DRC4: variants seen among roughly 807,000 people sequenced by gnomAD.
The protein encoded by DRC4 is dynein regulatory complex subunit 4.
the DRC4 span, chr16:90,042,236 T>C: frequency 1.7e-6 from 1 of 580,214 alleles, no homozygotes; most frequent in African/African-American, 1.8e-5. Context: ...GTGCCTGGCC[T>C]GGACTGTTGC....
At chr16:90,041,785 C>T in the DRC4 span, among the ~76,000 whole-genome samples, 38 of 151,938 alleles carry the variant, frequency 2.5e-4, no homozygotes, top group Non-Finnish European at 4.1e-4. Context: ...GGCAACGGGG[C>T]GAGACTCCAT....
At chr16:90,035,302 G>A in the DRC4 span, among the ~76,000 whole-genome samples, 1 of 152,332 alleles carries the variant, frequency 6.6e-6, no homozygotes, top group Non-Finnish European at 1.5e-5. Context: ...AGCGTGCTGG[G>A]ATGACAGGAA....
chr16:90,027,705 G>A, the DRC4 span: 1 of 1,614,050 alleles, frequency 6.2e-7, no homozygotes, highest in South Asian at 1.1e-5. Flanking sequence ...CGCTCCAGAG[G>A]ACATGAGCAA....
chr16:90,021,609 G>A, the DRC4 span, among the ~76,000 whole-genome samples: 15 of 151,956 alleles, frequency 9.9e-5, no homozygotes, highest in Non-Finnish European at 2.2e-4. Flanking sequence ...TGGGGCTCAC[G>A]TGCTCCCAGC....
chr16:90,029,149 C>CCTACGGGGCAGG, the DRC4 span: 2 of 1,346,200 alleles, frequency 1.5e-6, no homozygotes, highest in Non-Finnish European at 2.0e-6. Flanking sequence ...TACGGGGCAG[C>CCTACGGGGCAGG]CTACGGGGCA....
the DRC4 span, among the ~76,000 whole-genome samples, chr16:90,025,156 A>G: frequency 6.6e-6 from 1 of 150,784 alleles, no homozygotes; most frequent in Non-Finnish European, 1.5e-5. Context: ...ACCTGGGACT[A>G]CAGGTGCCCG....
the DRC4 span, chr16:90,043,905 G>A: frequency 4.4e-6 from 2 of 451,686 alleles, no homozygotes; most frequent in Non-Finnish European, 9.3e-6. Context: ...CCCGCTGCCA[G>A]TCTTCGCTCT....
At chr16:90,035,594 T>C in the DRC4 span, 5 of 1,613,864 alleles carry the variant, frequency 3.1e-6, no homozygotes, top group African/African-American at 2.7e-5. Flanking sequence ...CTTCCCTCTG[T>C]GTCCGGCTGT....
the DRC4 span, chr16:90,019,987 T>G: frequency 1.4e-6 from 1 of 698,974 alleles, no homozygotes; most frequent in Non-Finnish European, 2.6e-6. This position sits in a 1 kb window ranked among gnomAD's most constrained non-coding sequence, Gnocchi z 6.1. Flanking sequence ...GGGCCCGGGC[T>G]GCAGAGAGCG....
chr16:90,031,080 A>T, the DRC4 span: 1 of 1,051,760 alleles, frequency 9.5e-7, no homozygotes, highest in Non-Finnish European at 1.3e-6. Context: ...TAGTTATTTT[A>T]TGATTATTGG....
the DRC4 span, chr16:90,037,756 C>T: frequency 1.9e-6 from 3 of 1,613,496 alleles, no homozygotes; most frequent in Non-Finnish European, 2.5e-6. Flanking sequence ...CCTGTTTTTC[C>T]TCCAGTGCAC....
At chr16:90,040,519 A>G in the DRC4 span, 15 of 1,588,564 alleles carry the variant, frequency 9.4e-6, no homozygotes, top group African/African-American at 1.5e-4. Flanking sequence ...GGTAGGCCCT[A>G]GACAGGCTCC....
the DRC4 span, among the ~76,000 whole-genome samples, chr16:90,030,451 C>A: frequency 1.1e-3 from 170 of 152,172 alleles, no homozygotes; most frequent in Non-Finnish European, 1.9e-3. Flanking sequence ...AACGATCCTC[C>A]TACCTCAGTC....
At chr16:90,031,796 G>C in the DRC4 span, among the ~76,000 whole-genome samples, 3 of 152,268 alleles carry the variant, frequency 2.0e-5, no homozygotes, top group East Asian at 5.8e-4. Flanking sequence ...TTGGTGTCCT[G>C]CTCTGTGCCT....
the DRC4 span, chr16:90,035,949 T>TTAC: frequency 2.9e-6 from 4 of 1,394,830 alleles, no homozygotes; most frequent in Non-Finnish European, 3.7e-6. Context: ...TATCAGCAGG[T>TTAC]GGTAGCTATT....
chr16:90,043,751 T>A, the DRC4 span: 1 of 475,214 alleles, frequency 2.1e-6, no homozygotes. Flanking sequence ...CATTGACACC[T>A]GAGTCACAGC....
chr16:90,027,581 C>G, the DRC4 span: 3 of 1,570,434 alleles, frequency 1.9e-6, no homozygotes, highest in South Asian at 3.3e-5. Flanking sequence ...AAATCAGAGC[C>G]AGCCAAGAAG....
At chr16:90,041,397 C>T in the DRC4 span, among the ~76,000 whole-genome samples, 1 of 152,218 alleles carries the variant, frequency 6.6e-6, no homozygotes, top group African/African-American at 2.4e-5. Flanking sequence ...CCAGGCTGGG[C>T]CCAGCAGTGC....
At chr16:90,027,976 T>C in the DRC4 span, 2 of 485,808 alleles carry the variant, frequency 4.1e-6, no homozygotes, top group Non-Finnish European at 7.4e-6. Flanking sequence ...GCTTTTCTGA[T>C]CTAAAAGCTG....
Sources: gnomAD v4.1 joint callset for allele counts (sites outside exome capture counted in the v4.1 genomes callset) on GRCh38, gnomAD v4.1.1 for gene constraint, Gnocchi (gnomAD v3.1) non-coding constraint, MANE v1.5 for transcripts, NCBI Gene and HGNC (gene_info 2026-07-23, HGNC 2026-07-21) for gene names.